The following ADAMTS12 variants were observed in gnomAD, a reference collection of about 807,000 sequenced individuals.
ADAMTS12 encodes A disintegrin and metalloproteinase with thrombospondin motifs 12.
Under a neutral mutation model 167.8 loss-of-function variants are expected in ADAMTS12, and 118 were observed. The ratio of observed to expected loss-of-function variants is 0.70; its 90% confidence interval spans 0.61 to 0.82. ADAMTS12 has a LOEUF of 0.82. Ranked by LOEUF, ADAMTS12 falls within the 40% of genes least tolerant of loss-of-function variation. The probability of loss-of-function intolerance (pLI) is 0.00; values close to 1 mark genes in which losing one functional copy is unlikely to be tolerated. For missense variants in ADAMTS12, 1,916 were observed against 1,998.8 expected (o/e 0.96, Z 0.79); for synonymous variants, 704 against 716.9 (o/e 0.98, Z 0.29).
intron 18 of ADAMTS12, among the ~76,000 whole-genome samples, chr5:33,583,889 G>C (rs958291676): frequency 6.6e-6 from 1 of 152,054 alleles, no homozygotes; most frequent in African/African-American, 2.4e-5. Flanking sequence ...TTTTGGGGAG[G>C]CTCTGATTTC....
intron 2 of ADAMTS12, among the ~76,000 whole-genome samples, chr5:33,783,605 G>A (rs1746223631): frequency 6.6e-6 from 1 of 151,816 alleles, no homozygotes; most frequent in East Asian, 1.9e-4. Flanking sequence ...GTAATTCTGT[G>A]CCAACAAATT....
intron 3 of ADAMTS12, among the ~76,000 whole-genome samples, chr5:33,733,815 C>T (rs1744276398): frequency 6.6e-6 from 1 of 152,134 alleles, no homozygotes; most frequent in African/African-American, 2.4e-5. Flanking sequence ...TAACAGAGAT[C>T]AGTACTTAAC....
At chr5:33,557,314 A>G (rs918479457) in intron 20 of ADAMTS12, among the ~76,000 whole-genome samples, 2 of 152,186 alleles carry the variant, frequency 1.3e-5, no homozygotes, top group African/African-American at 4.8e-5. Flanking sequence ...TGAAAAGGCA[A>G]ATGATCAGTT....
intron 1 of ADAMTS12, among the ~76,000 whole-genome samples, chr5:33,882,726 G>A (rs1334943563): frequency 6.6e-6 from 1 of 152,010 alleles, no homozygotes; most frequent in Admixed American, 6.6e-5. Context: ...TAAGTAGCTG[G>A]GATTACAGGT....
At chr5:33,773,880 G>C (rs969750455) in intron 2 of ADAMTS12, among the ~76,000 whole-genome samples, 2 of 152,140 alleles carry the variant, frequency 1.3e-5, no homozygotes, top group African/African-American at 4.8e-5. Context: ...GACTGTCAGG[G>C]GGTGCCCAAA....
At chr5:33,600,328 G>A (rs548184508) in intron 16 of ADAMTS12, among the ~76,000 whole-genome samples, 1 of 152,198 alleles carries the variant, frequency 6.6e-6, no homozygotes, top group East Asian at 1.9e-4. Flanking sequence ...CTAAACAGGA[G>A]TACTCATCTT....
intron 20 of ADAMTS12, among the ~76,000 whole-genome samples, chr5:33,555,552 C>T (rs1036567743): frequency 6.6e-6 from 1 of 152,096 alleles, no homozygotes; most frequent in Non-Finnish European, 1.5e-5. Context: ...CCCAGCCTCC[C>T]CCATACAAAT....
At chr5:33,614,898 A>C (rs1299408480) in intron 15 of ADAMTS12, among the ~76,000 whole-genome samples, 3 of 152,088 alleles carry the variant, frequency 2.0e-5, no homozygotes, top group Admixed American at 6.5e-5. Flanking sequence ...AGCGAATGTT[A>C]ACTTGTATTA....
At chr5:33,768,264 G>A (rs1165872822) in intron 2 of ADAMTS12, among the ~76,000 whole-genome samples, 6 of 152,064 alleles carry the variant, frequency 3.9e-5, no homozygotes, top group Non-Finnish European at 8.8e-5. Flanking sequence ...CTTTATTCAC[G>A]GCAAAAGAGG....
chr5:33,840,452 C>G (rs1020782434), intron 2 of ADAMTS12: 1 of 152,254 alleles, frequency 6.6e-6, no homozygotes, highest in Non-Finnish European at 1.5e-5. Context: ...GGTTAACTCA[C>G]AGCTTGGCCA....
At chr5:33,796,293 G>A (rs1175812148) in intron 2 of ADAMTS12, among the ~76,000 whole-genome samples, 2 of 152,206 alleles carry the variant, frequency 1.3e-5, no homozygotes, top group African/African-American at 2.4e-5. Flanking sequence ...ACACTACTGT[G>A]CAAACTTTAG....
chr5:33,709,820 T>C (rs1463268672), intron 3 of ADAMTS12, among the ~76,000 whole-genome samples: 2 of 152,054 alleles, frequency 1.3e-5, no homozygotes, highest in Admixed American at 6.6e-5. Flanking sequence ...CTTTTACCTA[T>C]GTAATAAACC....
intron 14 of ADAMTS12, among the ~76,000 whole-genome samples, chr5:33,617,216 CTT>C (rs71600917): frequency 2.8e-5 from 4 of 144,712 alleles, no homozygotes; most frequent in African/African-American, 7.6e-5. Flanking sequence ...GTTCTTTCAA[CTT>C]TTTTTTTTTT....
intron 18 of ADAMTS12, 51 bp downstream of exon 18, chr5:33,588,548 G>C: frequency 1.3e-6 from 2 of 1,592,018 alleles, no homozygotes; most frequent in Non-Finnish European, 1.7e-6. Flanking sequence ...GGAAGGCAGG[G>C]GCTGATGAAG....
chr5:33,887,245 T>C (rs958301282), intron 1 of ADAMTS12, among the ~76,000 whole-genome samples: 4 of 152,212 alleles, frequency 2.6e-5, no homozygotes, highest in Admixed American at 2.0e-4. Flanking sequence ...TGGTCTTATC[T>C]AATCCTCACA....
chr5:33,839,255 T>C (rs1185012914), intron 2 of ADAMTS12, among the ~76,000 whole-genome samples: 1 of 152,230 alleles, frequency 6.6e-6, no homozygotes, highest in Non-Finnish European at 1.5e-5. Context: ...ATCTATGTTA[T>C]AAGATTCTAG....
intron 3 of ADAMTS12, among the ~76,000 whole-genome samples, chr5:33,688,289 A>G (rs1579839405): frequency 6.6e-6 from 1 of 152,298 alleles, no homozygotes; most frequent in East Asian, 1.9e-4. Flanking sequence ...TGTTTGTTTC[A>G]AGCAGAGAAA....
intron 19 of ADAMTS12, among the ~76,000 whole-genome samples, chr5:33,566,793 T>C (rs367749141): frequency 3.9e-5 from 6 of 152,182 alleles, no homozygotes; most frequent in Admixed American, 6.5e-5. Context: ...GGTTTGGCCA[T>C]GAGACCTAGT....
chr5:33,557,822 CT>C (rs1745552322), intron 20 of ADAMTS12, among the ~76,000 whole-genome samples: 1 of 152,140 alleles, frequency 6.6e-6, no homozygotes. Flanking sequence ...TTTACAGCTG[CT>C]CCCCATTGCT....
Sources: allele counts gnomAD v4.1 joint callset (sites outside exome capture counted in the v4.1 genomes callset), GRCh38; gene constraint gnomAD v4.1.1; transcripts MANE v1.5; gene names NCBI Gene and HGNC (gene_info 2026-07-23, HGNC 2026-07-21).